Variants in SNAP91 observed in about 807,000 individuals in gnomAD.
SNAP91 encodes the protein synaptosome associated protein 91.
Under a neutral mutation model 100.3 loss-of-function variants are expected in SNAP91, and 27 were observed. The observed-to-expected ratio is 0.27, with a 90% CI of 0.20 to 0.37. The LOEUF (loss-of-function observed/expected upper bound fraction) is 0.37. Ranked by LOEUF, SNAP91 falls within the 10% of genes least tolerant of loss-of-function variation. SNAP91 has a pLI of 1.00. For missense variants in SNAP91, 986 were observed against 1,123.7 expected, an observed-to-expected ratio of 0.88 and a Z score of 1.75; for synonymous variants, 404 against 398.6, an observed-to-expected ratio of 1.01 and a Z score of -0.16.
At chr6:83,602,291 C>T (rs1052327493) in intron 14 of SNAP91, among the ~76,000 whole-genome samples, 1 of 151,778 alleles carries the variant, frequency 6.6e-6, no homozygotes, top group Non-Finnish European at 1.5e-5. Context: ...TTTACACCAA[C>T]AGGAAAAAAA....
intron 2 of SNAP91, among the ~76,000 whole-genome samples, chr6:83,689,147 A>T (rs2099100464): frequency 6.6e-6 from 1 of 152,200 alleles, no homozygotes; most frequent in Non-Finnish European, 1.5e-5. Context: ...CCCATCTGCA[A>T]CATTAGGGAC....
intron 26 of SNAP91, among the ~76,000 whole-genome samples, chr6:83,562,486 C>G (rs748791297): frequency 6.6e-6 from 1 of 152,128 alleles, no homozygotes; most frequent in Non-Finnish European, 1.5e-5. Context: ...TTTGGATACA[C>G]CTTTAATTTT....
intron 2 of SNAP91, among the ~76,000 whole-genome samples, chr6:83,682,182 T>C (rs962996684): frequency 6.7e-6 from 1 of 150,212 alleles, no homozygotes; most frequent in Non-Finnish European, 1.5e-5. Context: ...CTTTTTTTTT[T>C]TTTTTTTTTC....
intron 8 of SNAP91, among the ~76,000 whole-genome samples, chr6:83,636,018 GT>G (rs1403573887): frequency 6.6e-6 from 1 of 152,182 alleles, no homozygotes; most frequent in Non-Finnish European, 1.5e-5. Context: ...AGCTTGTAAA[GT>G]TTCTTTTGAG....
At chr6:83,605,080 A>G (rs1373645075) in intron 14 of SNAP91, among the ~76,000 whole-genome samples, 1 of 152,154 alleles carries the variant, frequency 6.6e-6, no homozygotes, top group Non-Finnish European at 1.5e-5. Flanking sequence ...TCAAATATTT[A>G]TAAAAGGCTG....
At chr6:83,671,628 TAGAA>T (rs978345634) in intron 2 of SNAP91, among the ~76,000 whole-genome samples, 3 of 152,012 alleles carry the variant, frequency 2.0e-5, no homozygotes, top group Non-Finnish European at 2.9e-5. Context: ...AAATTAATCT[TAGAA>T]AGATTAATTA....
intron 5 of SNAP91, among the ~76,000 whole-genome samples, chr6:83,660,502 T>G (rs898481769): frequency 2.0e-5 from 3 of 152,052 alleles, no homozygotes; most frequent in African/African-American, 7.3e-5. Flanking sequence ...TTATTTCAAA[T>G]GAGGAACAGA....
intron 2 of SNAP91, among the ~76,000 whole-genome samples, chr6:83,669,045 T>C (rs2128803545): frequency 6.6e-6 from 1 of 152,158 alleles, no homozygotes; most frequent in South Asian, 2.1e-4. Context: ...GCCTATTTTA[T>C]AATAAAGTGT....
chr6:83,559,997 G>A, intron 28 of SNAP91, 107 bp downstream of exon 28: 2 of 892,652 alleles, frequency 2.2e-6, no homozygotes, highest in East Asian at 2.6e-5. Context: ...TGAAGCAACA[G>A]GTATGAGGAT....
intron 2 of SNAP91, among the ~76,000 whole-genome samples, chr6:83,695,981 A>G (rs1256833727): frequency 2.0e-5 from 3 of 152,106 alleles, no homozygotes; most frequent in South Asian, 4.2e-4. Flanking sequence ...GGAGATGCAT[A>G]TGTTAAACAG....
chr6:83,671,111 C>T (rs1374261769), intron 2 of SNAP91, among the ~76,000 whole-genome samples: 1 of 151,938 alleles, frequency 6.6e-6, no homozygotes, highest in Non-Finnish European at 1.5e-5. Context: ...GGTAAACTGG[C>T]ATCTTAACAA....
intron 8 of SNAP91, among the ~76,000 whole-genome samples, chr6:83,638,816 TTC>T (rs371397731): frequency 4.1e-4 from 62 of 152,332 alleles, no homozygotes; most frequent in African/African-American, 1.5e-3. Flanking sequence ...TCTCATCACT[TTC>T]TGTCTGCAAA....
chr6:83,691,694 T>G (rs909192938), intron 2 of SNAP91, among the ~76,000 whole-genome samples: 21 of 152,304 alleles, frequency 1.4e-4, no homozygotes, highest in African/African-American at 5.1e-4. Context: ...ACTCCATATA[T>G]GTTTTTCTTT....
rs147627168 is a variant in SNAP91 at position 83,618,426 on chromosome 6, T to G, written c.808-1387A>C. ...AATAAGTTTAGAAAATTACAAAAAT[T>G]AGGATTTTAAAATACAACTCAGATG... On this transcript the variant is annotated intron_variant, in intron 9 of 29. Coordinates refer to ENST00000369694, the MANE Select transcript of SNAP91 (RefSeq NM_001242792.2). Among the ~76,000 whole-genome samples the G allele has an allele frequency of 4.2e-3, 643 of 151,676 alleles. 6 individuals carry two copies. The highest frequency in any genetic ancestry group is 0.014 in the African/African-American group (600 of 41,470).
At chr6:83,592,831 T>C (rs1331997278) in intron 20 of SNAP91, 115 bp downstream of exon 20, 1 of 822,580 alleles carries the variant, frequency 1.2e-6, no homozygotes, top group Non-Finnish European at 1.9e-6. Context: ...GTTTTTCTTT[T>C]GAAGTACATT....
intron 22 of SNAP91, 130 bp from the exon 23 acceptor site, chr6:83,582,486 A>G (rs1829912332): frequency 2.2e-6 from 2 of 915,948 alleles, no homozygotes; most frequent in Admixed American, 3.0e-5. Flanking sequence ...TCAGTGAAAC[A>G]GAGAAGCTCA....
Position 83,561,670 on chromosome 6 carries a change from G to A in SNAP91, c.2443-723C>T, listed in dbSNP as rs1787945342. Among the ~76,000 whole-genome samples, 3 of 152,258 alleles carry A rather than the reference G, an allele frequency of 2.0e-5. 1 individual carries two copies. The South Asian group carries it at 6.2e-4, about 32-fold the overall frequency. On this transcript the variant is annotated intron_variant, in intron 26 of 29. Coordinates refer to ENST00000369694, the MANE Select transcript of SNAP91 (RefSeq NM_001242792.2). The stretch of plus-strand genomic sequence containing the variant: ...TCTAATGGTATTGGGTTAGACATTT[G>A]AGGATTGTTCTAATCTTTCTATATG...
chr6:83,706,758 C>A (rs985397271), intron 2 of SNAP91, among the ~76,000 whole-genome samples: 1 of 152,210 alleles, frequency 6.6e-6, no homozygotes, highest in Admixed American at 6.5e-5. Flanking sequence ...TGTGGCCATA[C>A]CTGTGTCTCT....
At chr6:83,607,613 GA>G (rs765069973) in intron 13 of SNAP91, 85 bp downstream of exon 13, 12 of 788,882 alleles carry the variant, frequency 1.5e-5, no homozygotes, top group Non-Finnish European at 2.3e-5. Context: ...TTCCTTTGGT[GA>G]AATCATTTGG....
Sources: gnomAD v4.1 joint callset for allele counts (sites outside exome capture counted in the v4.1 genomes callset) on GRCh38, gnomAD v4.1.1 for gene constraint, MANE v1.5 for transcripts, NCBI Gene and HGNC (gene_info 2026-07-23, HGNC 2026-07-21) for gene names.